The following PEX7 variants were observed in gnomAD, a reference collection of about 807,000 sequenced individuals.
PEX7 encodes peroxisomal biogenesis factor 7, also known as PTS2 receptor.
A neutral mutation model predicts 47.5 loss-of-function variants in PEX7; 34 were observed. That is an observed-to-expected ratio of 0.72 (90% CI 0.54 to 0.95). The LOEUF (loss-of-function observed/expected upper bound fraction) is 0.95, where lower values mean the gene tolerates loss of function less well. PEX7 is among the 40% of genes least tolerant of loss of function. PEX7 has a pLI of 0.00. For missense variants in PEX7, 394 were observed against 400.3 expected (o/e 0.98, Z 0.13); for synonymous variants, 141 against 148.8 (o/e 0.95, Z 0.38).
At chr6:136,898,067 A>G (rs1775683025) in intron 8 of PEX7, 75 bp from the exon 9 acceptor site, 2 of 872,862 alleles carry the variant, frequency 2.3e-6, no homozygotes, top group Admixed American at 1.8e-5. Context: ...GCTATGTCAA[A>G]TATCTATTTT....
intron 9 of PEX7, among the ~76,000 whole-genome samples, chr6:136,904,825 G>A (rs1461175223): frequency 6.6e-6 from 1 of 151,930 alleles, no homozygotes; most frequent in Non-Finnish European, 1.5e-5. Context: ...TGCAATTATG[G>A]CATCCCTTCA....
At chr6:136,887,302 CT>C (rs2115255885) in intron 8 of PEX7, among the ~76,000 whole-genome samples, 1 of 152,086 alleles carries the variant, frequency 6.6e-6, no homozygotes, top group South Asian at 2.1e-4. Context: ...CATTTAATCT[CT>C]CATAAAGTGA....
chr6:136,832,602 A>G (rs551430128), intron 3 of PEX7, among the ~76,000 whole-genome samples: 82 of 152,368 alleles, frequency 5.4e-4, no homozygotes, highest in African/African-American at 1.9e-3. Context: ...TCCCTTTTAA[A>G]TATAAGTTCC....
rs573413719 is a variant in PEX7 at position 136,892,037 on chromosome 6, T to C, written c.804-6105T>C. Among the ~76,000 whole-genome samples, 11 of 152,278 alleles carry C rather than the reference T, an allele frequency of 7.2e-5. No individual in the cohort carries two copies. The East Asian group carries it at 1.5e-3, about 21-fold the overall frequency. On this transcript the variant is annotated intron_variant, in intron 8 of 9. Transcript: ENST00000318471. ...GCAAAAGGATGGAAATCTGAGTGAT[T>C]ATAGAAAGAGAGTTGAGTGATACAT...
intron 8 of PEX7, among the ~76,000 whole-genome samples, chr6:136,883,187 G>T (rs952156657): frequency 1.3e-5 from 2 of 152,080 alleles, no homozygotes; most frequent in Non-Finnish European, 2.9e-5. Flanking sequence ...TGAGTGCCAG[G>T]TTTATCAATT....
At chr6:136,868,688 AAG>A (rs1775117523) in intron 6 of PEX7, among the ~76,000 whole-genome samples, 1 of 151,776 alleles carries the variant, frequency 6.6e-6, no homozygotes, top group Admixed American at 6.6e-5. Flanking sequence ...AGGTTGGTGC[AAG>A]AGTAGTTGCA....
At chr6:136,877,688 C>T (rs1775300510) in intron 8 of PEX7, among the ~76,000 whole-genome samples, 1 of 152,126 alleles carries the variant, frequency 6.6e-6, no homozygotes, top group South Asian at 2.1e-4. Flanking sequence ...TGTTTTGGTA[C>T]CAGTACCATG....
At chr6:136,872,285 A>G (rs1480168491) in intron 8 of PEX7, 32 bp downstream of exon 8, 1 of 1,548,888 alleles carries the variant, frequency 6.5e-7, no homozygotes. Context: ...TTCATTGTGA[A>G]ATACCAGGTA....
chr6:136,895,150 C>T (rs1474173016), intron 8 of PEX7, among the ~76,000 whole-genome samples: 1 of 152,052 alleles, frequency 6.6e-6, no homozygotes, highest in Non-Finnish European at 1.5e-5. Flanking sequence ...CTGGCTGGAA[C>T]TTCAATAGAG....
chr6:136,853,430 G>A (rs1231117905), intron 5 of PEX7, among the ~76,000 whole-genome samples: 4 of 151,718 alleles, frequency 2.6e-5, no homozygotes, highest in Non-Finnish European at 4.4e-5. Context: ...CAGTTATGCA[G>A]CATCCAAAGA....
intron 3 of PEX7, among the ~76,000 whole-genome samples, chr6:136,831,549 T>C (rs994017869): frequency 1.3e-5 from 2 of 152,382 alleles, no homozygotes; most frequent in East Asian, 1.9e-4. Flanking sequence ...TCTTAACTTA[T>C]TCCAGCATTA....
chr6:136,876,934 A>G (rs2115238673), intron 8 of PEX7, among the ~76,000 whole-genome samples: 1 of 152,324 alleles, frequency 6.6e-6, no homozygotes, highest in African/African-American at 2.4e-5. Flanking sequence ...ACAATGGTTG[A>G]ACTAATTTAC....
intron 8 of PEX7, among the ~76,000 whole-genome samples, chr6:136,878,704 C>T (rs76057390): frequency 0.043 from 6,615 of 152,122 alleles, 520 homozygotes; most frequent in African/African-American, 0.15. Flanking sequence ...ATTAGGATCT[C>T]GCTTAGTGAA....
intron 8 of PEX7, among the ~76,000 whole-genome samples, chr6:136,885,667 G>A (rs968501033): frequency 1.3e-5 from 2 of 152,146 alleles, no homozygotes; most frequent in Admixed American, 6.5e-5. Context: ...ATGAAGGCTT[G>A]GAGACAAGTA....
chr6:136,842,650 G>T (rs949941846), intron 3 of PEX7, among the ~76,000 whole-genome samples: 2 of 152,138 alleles, frequency 1.3e-5, no homozygotes, highest in Non-Finnish European at 2.9e-5. Flanking sequence ...AATTTAATTG[G>T]TTAAATTATT....
intron 3 of PEX7, among the ~76,000 whole-genome samples, chr6:136,840,177 T>G (rs761989155): frequency 2.6e-5 from 4 of 152,210 alleles, no homozygotes; most frequent in African/African-American, 7.2e-5. Flanking sequence ...TTTTATACAT[T>G]ATAAAATACA....
chr6:136,894,689 A>G (rs1775618582), intron 8 of PEX7, among the ~76,000 whole-genome samples: 1 of 152,226 alleles, frequency 6.6e-6, no homozygotes, highest in African/African-American at 2.4e-5. Context: ...AAAAGCAAAA[A>G]ATAACTCAAC....
In PEX7 at chr6:136,830,232, G is replaced by A. The variant is rs1188282483; in HGVS notation, c.339+3763G>A. 3 of 557,648 alleles carry A rather than the reference G, an allele frequency of 5.4e-6. No individual in the cohort carries two copies. The African/African-American group carries it at 5.7e-5, about 11-fold the overall frequency. The allele number at this position is 557,648 out of a possible 1,614,324, so 34.5% of individuals were successfully genotyped here. A position where few individuals can be genotyped will look rare whatever the true frequency, so the allele number is the denominator to read the frequency against. On this transcript the variant is annotated intron_variant, in intron 3 of 9. Coordinates refer to ENST00000318471, the MANE Select transcript of PEX7 (RefSeq NM_000288.4). ...AAGTTTATTAGTAGTCTGTATCACAGACCAGCATTGAATAAATATGAGCTA... is the reference window on the plus strand; with the variant it reads ...AAGTTTATTAGTAGTCTGTATCACAAACCAGCATTGAATAAATATGAGCTA...
chr6:136,841,540 T>G (rs752352900), intron 3 of PEX7, among the ~76,000 whole-genome samples: 38 of 152,302 alleles, frequency 2.5e-4, no homozygotes, highest in Middle Eastern at 3.4e-3. Flanking sequence ...GAAGCTGAAT[T>G]TCCATCCAAG....
Sources: gnomAD v4.1 joint callset for allele counts (sites outside exome capture counted in the v4.1 genomes callset) on GRCh38, gnomAD v4.1.1 for gene constraint, MANE v1.5 for transcripts, NCBI Gene and HGNC (gene_info 2026-07-23, HGNC 2026-07-21) for gene names.